The following VILL variants were observed in gnomAD, a reference collection of about 807,000 sequenced individuals.
The protein encoded by VILL is villin like, also known as villin-like protein.
Under a neutral mutation model 106.3 loss-of-function variants are expected in VILL, and 102 were observed. The observed-to-expected ratio is 0.96, with a 90% confidence interval of 0.82 to 1.13. The LOEUF is 1.13. Among genes scored for constraint, VILL ranks in the 50% most tolerant of loss-of-function variants. The pLI is 0.00. For missense variants in VILL, 1,076 were observed against 1,116.6 expected (o/e 0.96, Z 0.52); for synonymous variants, 431 against 440.3 (o/e 0.98, Z 0.27).
chr3:38,000,598 C>T (rs1390389808), intron 11 of VILL, among the ~76,000 whole-genome samples: 1 of 152,146 alleles, frequency 6.6e-6, no homozygotes, highest in African/African-American at 2.4e-5. Context: ...ACTCAGGTGC[C>T]AAGCACAAAG....
rs1017075414 is a variant in VILL, at chr3:37,997,561, G to A, written c.640G>A (p.Ala214Thr). The change falls in exon 7 of 20, where the codon GCC becomes ACC. Residue 214 changes from alanine (A) to threonine (T), a missense_variant. Transcript: ENST00000383759. The surrounding 1 kb of genome is among the most constrained non-coding windows in gnomAD (Gnocchi z 4.7). ...ACAGATTGGTGTGGTGGATGATGAG[G>A]CCAAAGCCCCGGACCTCATGCAGAT... ...RAQIGVVDDE[A>T]KAPDLMQIME... The A allele has an allele frequency of 6.2e-7, 1 of 1,614,128 alleles. No homozygotes were observed. Among genetic ancestry groups the A allele is most frequent in the Non-Finnish European group, 8.5e-7 (1 of 1,180,020 alleles).
At position 37,997,849 on chromosome 3, in the gene VILL, A is replaced by T. The variant is rs2125532601; in HGVS notation, c.764+164A>T. Among the ~76,000 whole-genome samples the T allele has an allele frequency of 6.6e-6, 1 of 152,292 alleles. No homozygotes were observed. Among genetic ancestry groups the T allele is most frequent in the South Asian group, 2.1e-4 (1 of 4,834 alleles). ...GGTCCAGCCTGTACTCTTCCATGGC[A>T]TGTGGCTGCCTTGCTGAGAAACCTA... On this transcript the variant is annotated intron_variant, in intron 7 of 19. Transcript: ENST00000383759. This position sits in a 1 kb window ranked among gnomAD's most constrained non-coding sequence, Gnocchi z 4.7.
At chr3:38,003,496 C>A (rs1699858490) in intron 15 of VILL, 183 bp downstream of exon 15, 6 of 755,706 alleles carry the variant, frequency 7.9e-6, no homozygotes, top group Non-Finnish European at 1.2e-5. Context: ...GCCTGGGTAA[C>A]TTGCGTCTCT....
intron 15 of VILL, 79 bp from the exon 16 acceptor site, chr3:38,004,176 G>A (rs1305769365): frequency 3.3e-6 from 5 of 1,537,516 alleles, no homozygotes; most frequent in Admixed American, 1.9e-5. Context: ...GGCTTCCCAG[G>A]CCCTGGGGTG....
rs1217455719 is a variant in VILL, at chr3:37,998,985, C to T, written c.1016C>T (p.Ala339Val). 6.2e-7 allele frequency: 1 copy of T among 1,608,640 alleles called. No individual in the cohort carries two copies. Among genetic ancestry groups the T allele is most frequent in the Non-Finnish European group, 8.5e-7 (1 of 1,177,806 alleles). The change falls in exon 10 of 20, where the codon GCG becomes GTG. Residue 339 changes from alanine to valine, a missense_variant. Ala to Val is a moderately conservative substitution (Grantham distance 64). Transcript: ENST00000383759. The surrounding 1 kb of genome is among the most constrained non-coding windows in gnomAD (Gnocchi z 4.1). ...EVVNDGAESA[A>V]FKQLFRTWSE... Reference sequence around the variant, plus strand: ...GTGAACGACGGCGCCGAGTCGGCCGCGTTCAAGCAGCTCTTCCGGACTTGG... The same window carrying T: ...GTGAACGACGGCGCCGAGTCGGCCGTGTTCAAGCAGCTCTTCCGGACTTGG...
intron 2 of VILL, 64 bp downstream of exon 2, chr3:37,993,796 G>T: frequency 6.2e-7 from 1 of 1,607,164 alleles, no homozygotes; most frequent in East Asian, 2.2e-5. Context: ...TCCACACTAG[G>T]CTTCTCCCGC....
At chr3:38,005,449 G>A (rs1160567101) in intron 16 of VILL, among the ~76,000 whole-genome samples, 1 of 152,144 alleles carries the variant, frequency 6.6e-6, no homozygotes, top group Non-Finnish European at 1.5e-5. Context: ...TAAGGGCAGG[G>A]ATTTTTGTCC....
chr3:38,003,537 A>T (rs1699859719), intron 15 of VILL: 1 of 559,848 alleles, frequency 1.8e-6, no homozygotes, highest in South Asian at 2.2e-5. Flanking sequence ...GGCAGTGGCG[A>T]CCTCTGCTGG....
At chr3:38,002,197 G>C in intron 13 of VILL, 199 bp from the exon 14 acceptor site, 1 of 639,600 alleles carries the variant, frequency 1.6e-6, no homozygotes, top group Non-Finnish European at 2.7e-6. Flanking sequence ...CATTTAAAAA[G>C]GGTCTGTCCC....
chr3:38,004,370 G>A lies in VILL; in HGVS notation c.1921G>A (p.Asp641Asn). Residue 641 changes from aspartate to asparagine, a missense_variant, in exon 16 of 20, where the codon GAC becomes AAC. Physicochemically the swap from Asp to Asn is conservative, Grantham distance 23. Coordinates refer to ENST00000383759, the MANE Select transcript of VILL (RefSeq NM_015873.4). ...CAGCCAGGAGGACCTGGACAAGTATGACATCATGTTACTGGACACCTGGCA... is the reference window on the plus strand; with the variant it reads ...CAGCCAGGAGGACCTGGACAAGTATAACATCATGTTACTGGACACCTGGCA... ...FFSQEDLDKYDIMLLDTWQEI... is the reference protein window; with the variant it reads ...FFSQEDLDKYNIMLLDTWQEI... The A allele has an allele frequency of 6.2e-7, 1 of 1,612,644 alleles. No individual in the cohort carries two copies. Among genetic ancestry groups the A allele is most frequent in the Non-Finnish European group, 8.5e-7 (1 of 1,178,690 alleles).
Position 37,995,726 on chromosome 3 carries a change from A to G in VILL, c.342-13A>G, listed in dbSNP as rs1222289437. On this transcript the variant is annotated splice_polypyrimidine_tract_variant and intron_variant, in intron 4 of 19. Transcript: ENST00000383759. ...CACAGAATGTATATACCCTCCTGCT[A>G]TTCCCACCTCAGCTACAGGAAGGGA... 4 of 1,608,440 alleles carry G rather than the reference A, an allele frequency of 2.5e-6. No individual in the cohort carries two copies. The highest frequency in any genetic ancestry group is 3.3e-5 in the Admixed American group (2 of 59,988).
At chr3:38,002,362 C>A (rs767401529) in intron 13 of VILL, 34 bp from the exon 14 acceptor site, 2 of 1,560,938 alleles carry the variant, frequency 1.3e-6, no homozygotes, top group Non-Finnish European at 1.7e-6. Context: ...CCCCTGGGAG[C>A]CCTTGCCCAG....
intron 11 of VILL, 65 bp from the exon 12 acceptor site, chr3:38,001,391 T>C: frequency 6.3e-7 from 1 of 1,594,852 alleles, no homozygotes; most frequent in Non-Finnish European, 8.5e-7. Context: ...TCCGGTTGGG[T>C]ACAGGATGGG....
Position 38,007,025 on chromosome 3 carries a change from G to A in VILL, c.2541G>A (p.Arg847=), listed in dbSNP as rs952942137. Residue 847 remains arginine, a synonymous_variant, in exon 20 of 20, where the codon CGG becomes CGA. Coordinates refer to ENST00000383759, the MANE Select transcript of VILL (RefSeq NM_015873.4). ...ACAGCATGGCCACGTGGAGGCAGCGGCAGGAGAAAAAGCAGCTGGGCTTCT... is the reference window on the plus strand; with the variant it reads ...ACAGCATGGCCACGTGGAGGCAGCGACAGGAGAAAAAGCAGCTGGGCTTCT... ...EFYSMATWRQ[R]QEKKQLGFF is the part of the protein sequence containing the mutation. 3.1e-5 allele frequency: 50 copies of A among 1,613,996 alleles called. No individual in the cohort carries two copies. Among genetic ancestry groups the A allele is most frequent in the South Asian group, 1.1e-4 (10 of 91,082 alleles).
intron 19 of VILL, 31 bp from the exon 20 acceptor site, chr3:38,006,911 C>T (rs1249174141): frequency 6.3e-7 from 1 of 1,591,486 alleles, no homozygotes. Flanking sequence ...TGACACCCTA[C>T]CCTGTACCTC....
In VILL at chr3:38,002,528, A is replaced by G; in HGVS notation, c.1612A>G (p.Ile538Val). The G allele has an allele frequency of 6.2e-7, 1 of 1,614,200 alleles. No homozygotes were observed. The highest frequency in any genetic ancestry group is 8.5e-7 in the Non-Finnish European group (1 of 1,180,018). ...TGCCTCATCCCTCAACTCCAGTGAC[A>G]TCTTCTTGCTGGTCACAGCCAGCGT... is the stretch of plus-strand genomic sequence containing the variant. ...ARASSLNSSD[I>V]FLLVTASVCY... Residue 538 changes from isoleucine (I) to valine (V), a missense_variant, in exon 14 of 20, where the codon ATC becomes GTC. Coordinates refer to ENST00000383759, the MANE Select transcript of VILL (RefSeq NM_015873.4).
rs75581902 is a variant in VILL at position 38,004,289 on chromosome 3, C to T, written c.1840C>T (p.Leu614=). The T allele has an allele frequency of 8.8e-4, 1,415 of 1,613,794 alleles. 9 individuals are homozygous for T. The East Asian group carries it at 0.014, about 16-fold the overall frequency. The change falls in exon 16 of 20, where the codon CTG becomes TTG. Residue 614 remains leucine (L), a synonymous_variant. Coordinates refer to ENST00000383759, the MANE Select transcript of VILL (RefSeq NM_015873.4). ...GGAGGTCCCCAGCTTCCAGCCACGA[C>T]TGTTTGAGTGCTCCAGCCACATGGG... ...PEEVPSFQPR[L]FECSSHMGCL... is the part of the protein sequence containing the mutation.
chr3:38,002,815 C>A, intron 14 of VILL: 1 of 573,858 alleles, frequency 1.7e-6, no homozygotes, highest in Non-Finnish European at 3.0e-6. Flanking sequence ...TCCTTACTGC[C>A]TGGAGCACAG....
In VILL at chr3:37,998,494, T is replaced by C. The variant is rs1699749313; in HGVS notation, c.942+130T>C. The C allele has an allele frequency of 2.4e-6, 2 of 842,866 alleles. No individual in the cohort carries two copies. Among genetic ancestry groups the C allele is most frequent in the Non-Finnish European group, 3.7e-6 (2 of 543,022 alleles). 52.2% of individuals were successfully genotyped at this position (842,866 alleles called of 1,614,324 possible). Reference sequence around the variant, plus strand: ...GAGTTTGAGTTGGGAAATCCTATGCTGGAGTCTTAAAGGGGAGGTAGCCCT... The same window carrying C: ...GAGTTTGAGTTGGGAAATCCTATGCCGGAGTCTTAAAGGGGAGGTAGCCCT... On this transcript the variant is annotated intron_variant, in intron 9 of 19. Transcript: ENST00000383759. This position sits in a 1 kb window ranked among gnomAD's most constrained non-coding sequence, Gnocchi z 4.1.
Sources: gnomAD v4.1 joint callset for allele counts (sites outside exome capture counted in the v4.1 genomes callset) on GRCh38, gnomAD v4.1.1 for gene constraint, Gnocchi (gnomAD v3.1) non-coding constraint, MANE v1.5 for transcripts, NCBI Gene and HGNC (gene_info 2026-07-23, HGNC 2026-07-21) for gene names.